The following AKAP13 variants were observed in gnomAD, a reference collection of about 807,000 sequenced individuals.
AKAP13 encodes the protein A-kinase anchor protein 13.
Under a neutral mutation model 264.5 loss-of-function variants are expected in AKAP13, and 80 were observed. The observed-to-expected ratio is 0.30, with a 90% CI of 0.25 to 0.36. The LOEUF (loss-of-function observed/expected upper bound fraction) is 0.36. Among genes scored for constraint, AKAP13 ranks in the 10% least tolerant of loss-of-function variants. AKAP13 has a pLI of 1.00. For synonymous variants in AKAP13, 1,380 were observed against 1,250.2 expected (o/e 1.10, Z -2.19); for missense variants, 3,712 against 3,435.2 (o/e 1.08, Z -2.01).
intron 1 of AKAP13, among the ~76,000 whole-genome samples, chr15:85,461,862 G>A (rs964908243): frequency 2.6e-5 from 4 of 152,074 alleles, no homozygotes; most frequent in African/African-American, 9.7e-5. Flanking sequence ...GTCTTTACAG[G>A]CATGTACTTC....
intron 2 of AKAP13, among the ~76,000 whole-genome samples, chr15:85,503,770 G>T (rs1015757892): frequency 1.3e-5 from 2 of 152,176 alleles, no homozygotes; most frequent in Non-Finnish European, 2.9e-5. Flanking sequence ...TTACTCTCTC[G>T]CTCTAATCAT....
rs370463088 is a variant in AKAP13, at chr15:85,636,026, G to A, written c.4162-3348G>A. On this transcript the variant is annotated intron_variant, in intron 8 of 36. Coordinates refer to ENST00000394518, the MANE Select transcript of AKAP13 (RefSeq NM_007200.5). Reference sequence around the variant, plus strand: ...ATCAATTTGAGGACAATTAACAACTGTATTGAGTCTTCTGATCTCATGGAA... The same window carrying A: ...ATCAATTTGAGGACAATTAACAACTATATTGAGTCTTCTGATCTCATGGAA... Among the ~76,000 whole-genome samples, 5 of 152,224 alleles carry A rather than the reference G, an allele frequency of 3.3e-5. No homozygotes were observed. In the East Asian group the frequency reaches 7.7e-4, roughly 23 times the overall value.
intron 1 of AKAP13, among the ~76,000 whole-genome samples, chr15:85,459,892 A>G (rs1206719563): frequency 6.6e-6 from 1 of 152,150 alleles, no homozygotes; most frequent in Admixed American, 6.5e-5. Context: ...AGTATATTGG[A>G]TCACTAAGTT....
intron 23 of AKAP13, among the ~76,000 whole-genome samples, chr15:85,720,840 G>A (rs2087240415): frequency 1.3e-5 from 2 of 152,212 alleles, no homozygotes; most frequent in East Asian, 1.9e-4. Context: ...ATGCCAGGTA[G>A]AACTACAAAG....
At chr15:85,608,167 A>T (rs2080438038) in intron 8 of AKAP13, among the ~76,000 whole-genome samples, 1 of 152,164 alleles carries the variant, frequency 6.6e-6, no homozygotes, top group South Asian at 2.1e-4. Context: ...TAAGAAGTCA[A>T]GTAATTTCCT....
chr15:85,414,029 G>T (rs978162765), intron 1 of AKAP13, among the ~76,000 whole-genome samples: 2 of 152,104 alleles, frequency 1.3e-5, no homozygotes, highest in Non-Finnish European at 2.9e-5. Context: ...GGAAATGAGA[G>T]TACCTGTTAT....
intron 12 of AKAP13, chr15:85,662,477 C>T: frequency 6.2e-7 from 1 of 1,613,726 alleles, no homozygotes; most frequent in Non-Finnish European, 8.5e-7. Flanking sequence ...ATGTGTCCCG[C>T]CACCAAATGG....
chr15:85,634,534 A>C (rs1324493510), intron 8 of AKAP13, among the ~76,000 whole-genome samples: 1 of 152,172 alleles, frequency 6.6e-6, no homozygotes, highest in Non-Finnish European at 1.5e-5. Flanking sequence ...TTTATTTTAT[A>C]TTTTATACTT....
chr15:85,430,010 T>C (rs927095520), intron 1 of AKAP13, among the ~76,000 whole-genome samples: 3 of 152,254 alleles, frequency 2.0e-5, no homozygotes, highest in South Asian at 2.1e-4. Flanking sequence ...TTAGGCAGAA[T>C]GTCCAATGTG....
intron 1 of AKAP13, among the ~76,000 whole-genome samples, chr15:85,412,720 G>A (rs1314889333): frequency 6.6e-6 from 1 of 152,138 alleles, no homozygotes; most frequent in Non-Finnish European, 1.5e-5. Flanking sequence ...GCTTACAATG[G>A]ATTGAAATAA....
intron 8 of AKAP13, among the ~76,000 whole-genome samples, chr15:85,596,844 G>A (rs1328810613): frequency 1.3e-5 from 2 of 152,174 alleles, no homozygotes; most frequent in African/African-American, 4.8e-5. Context: ...ACGTGTGTAT[G>A]TGTATGTTTC....
Position 85,498,197 on chromosome 15 carries a change from G to GATATATATATATATATATATATATAT in AKAP13, c.33+12445_33+12446insTATATATATATATATATATATATATA, listed in dbSNP as rs1491342478. 3.7e-3 allele frequency among the ~76,000 whole-genome samples: 112 copies of GATATATATATATATATATATATATAT among 29,988 alleles called. 3 individuals carry two copies. The highest frequency in any genetic ancestry group is 8.8e-3 in the East Asian group (14 of 1,586). The allele number at this position is 29,988 out of a possible 152,430, so 19.7% of individuals were successfully genotyped here. A position where few individuals can be genotyped will look rare whatever the true frequency, so the allele number is the denominator to read the frequency against. The stretch of plus-strand genomic sequence containing the variant: ...TGTGGTAGTAAGGATTAAATGAAGT[G>GATATATATATATATATATATATATAT]AGATATATATATATATATATATATA... On this transcript the variant is annotated intron_variant, in intron 2 of 36. Coordinates refer to ENST00000394518, the MANE Select transcript of AKAP13 (RefSeq NM_007200.5).
Position 85,727,733 on chromosome 15 carries a change from A to T in AKAP13, c.7087+270A>T, listed in dbSNP as rs1223247199. Among the ~76,000 whole-genome samples, 3 of 152,188 alleles carry T rather than the reference A, an allele frequency of 2.0e-5. No individual in the cohort carries two copies. The highest frequency in any genetic ancestry group is 3.9e-4 in the East Asian group (2 of 5,188). ...CTCAGGATCCGTGTTCTCAAACCTC[A>T]TGACATTCTCTGTACTTTGTCACAG... On this transcript the variant is annotated intron_variant, in intron 29 of 36. Coordinates refer to ENST00000394518, the MANE Select transcript of AKAP13 (RefSeq NM_007200.5). This position sits in a 1 kb window ranked among gnomAD's most constrained non-coding sequence, Gnocchi z 5.3.
chr15:85,680,464 C>T (rs338510), intron 14 of AKAP13, among the ~76,000 whole-genome samples: 113,720 of 152,090 alleles, frequency 0.75, 43,127 homozygotes, highest in African/African-American at 0.89. Flanking sequence ...GTGAAATGAA[C>T]AGAAGAAGAA....
intron 16 of AKAP13, among the ~76,000 whole-genome samples, chr15:85,687,514 T>A (rs1236440962): frequency 6.6e-6 from 1 of 152,230 alleles, no homozygotes; most frequent in Non-Finnish European, 1.5e-5. Context: ...GATTGGTTCC[T>A]CTTTCAGACT....
intron 9 of AKAP13, among the ~76,000 whole-genome samples, chr15:85,644,268 G>C (rs2082443058): frequency 7.1e-6 from 1 of 141,012 alleles, no homozygotes; most frequent in South Asian, 2.2e-4. Context: ...GTTGCTCTCT[G>C]TCACCTAGGC....
intron 8 of AKAP13, among the ~76,000 whole-genome samples, chr15:85,587,916 G>A (rs761966210): frequency 4.6e-5 from 7 of 152,124 alleles, no homozygotes; most frequent in South Asian, 2.1e-4. Flanking sequence ...CCAAAGTGCT[G>A]GAAGTACAGG....
chr15:85,536,603 A>G (rs11632326), intron 4 of AKAP13: 1 of 151,984 alleles, frequency 6.6e-6, no homozygotes, highest in Non-Finnish European at 1.5e-5. Flanking sequence ...TACAGAAGCA[A>G]ACTATAATAT....
At position 85,741,139 on chromosome 15, in the gene AKAP13, C is replaced by T. The variant is rs1210856938; in HGVS notation, c.7702C>T (p.Leu2568Phe). 9 of 1,613,510 alleles carry T rather than the reference C, an allele frequency of 5.6e-6. No individual in the cohort carries two copies. Among genetic ancestry groups the T allele is most frequent in the Admixed American group, 1.7e-5 (1 of 59,990 alleles). The change falls in exon 35 of 37, where the codon CTC becomes TTC. Residue 2568 changes from leucine to phenylalanine, a missense_variant. Around this residue, in one of 3 missense-constraint regions of AKAP13, gnomAD observed 611 missense variants for 539.3 expected, o/e 1.13. Transcript: ENST00000394518. ...LTRSLSRPSS[L>F]IEQEKQRSLE... is the part of the protein sequence containing the mutation. ...TCGCAGCTTGTCCCGCCCGAGCTCCCTCATTGAGCAGGAGAAGCAGCGCAG... is the reference window on the plus strand; with the variant it reads ...TCGCAGCTTGTCCCGCCCGAGCTCCTTCATTGAGCAGGAGAAGCAGCGCAG...
Sources: allele counts gnomAD v4.1 joint callset (sites outside exome capture counted in the v4.1 genomes callset), GRCh38; gene constraint gnomAD v4.1.1; regional missense constraint gnomAD v4.1.1; non-coding constraint Gnocchi (gnomAD v3.1); transcripts MANE v1.5; gene names NCBI Gene and HGNC (gene_info 2026-07-23, HGNC 2026-07-21).